The following MYO5B variants were observed in gnomAD, a reference collection of about 807,000 sequenced individuals.
MYO5B encodes unconventional myosin-Vb.
A neutral mutation model predicts 229.3 loss-of-function variants in MYO5B; 143 were observed. The ratio of observed to expected loss-of-function variants is 0.62; its 90% confidence interval spans 0.54 to 0.72. MYO5B has a LOEUF of 0.72. Ranked by LOEUF, MYO5B falls within the 30% of genes least tolerant of loss-of-function variation. MYO5B has a pLI of 0.00. For missense variants in MYO5B, 2,321 were observed against 2,331.0 expected, an observed-to-expected ratio of 1.00 and a Z score of 0.09; for synonymous variants, 918 against 885.2, an observed-to-expected ratio of 1.04 and a Z score of -0.66.
intron 1 of MYO5B, among the ~76,000 whole-genome samples, chr18:50,069,295 A>G (rs1237616665): frequency 1.3e-5 from 2 of 152,176 alleles, no homozygotes; most frequent in African/African-American, 4.8e-5. Context: ...TATTTGGGTT[A>G]ACGCTGAGCT....
At chr18:49,957,311 C>T (rs1448170079) in intron 12 of MYO5B, among the ~76,000 whole-genome samples, 1 of 152,092 alleles carries the variant, frequency 6.6e-6, no homozygotes, top group African/African-American at 2.4e-5. Flanking sequence ...CCAAAGCCTG[C>T]CCCCAGCAAA....
chr18:49,956,266 CAACTCATTT>C (rs2025491469), intron 12 of MYO5B, among the ~76,000 whole-genome samples: 2 of 152,228 alleles, frequency 1.3e-5, no homozygotes, highest in South Asian at 4.1e-4. Flanking sequence ...TTAGATGTAT[CAACTCATTT>C]AACCCTCATA....
chr18:50,105,894 G>A (rs936492510), intron 1 of MYO5B, among the ~76,000 whole-genome samples: 1 of 152,048 alleles, frequency 6.6e-6, no homozygotes, highest in African/African-American at 2.4e-5. Context: ...CAAAAACAGA[G>A]CTCTTTGTTG....
chr18:49,842,088 A>G (rs2144039234), intron 34 of MYO5B, among the ~76,000 whole-genome samples: 1 of 151,396 alleles, frequency 6.6e-6, no homozygotes. Context: ...ATGAGGTACG[A>G]CCAAAAGAAA....
At chr18:50,009,059 G>C (rs2026133644) in intron 4 of MYO5B, among the ~76,000 whole-genome samples, 3 of 152,188 alleles carry the variant, frequency 2.0e-5, no homozygotes, top group Non-Finnish European at 4.4e-5. Flanking sequence ...ATGAATCTTG[G>C]AAACAATGGT....
Position 49,864,221 on chromosome 18 carries a change from C to G in MYO5B, c.3763G>C (p.Glu1255Gln), listed in dbSNP as rs761611635. ...ATGAGCACCTCCTCCTTGCGCACCT[C>G]GAGCTCCTCGTGGGCCAGCTTGAGC... ...NQLKLAHEEL[E>Q]VRKEEVLILR... Residue 1255 changes from glutamate (E) to glutamine (Q), a missense_variant, in exon 28 of 40, where the codon GAG becomes CAG. Around this residue, in one of 2 missense-constraint regions of MYO5B, gnomAD observed 2,113 missense variants for 2,044.7 expected, o/e 1.03. Transcript: ENST00000285039. 31 of 1,613,818 alleles carry G rather than the reference C, an allele frequency of 1.9e-5. No homozygotes were observed. The highest frequency in any genetic ancestry group is 2.5e-5 in the Non-Finnish European group (30 of 1,180,054).
At chr18:50,170,486 A>G (rs2032907989) in intron 1 of MYO5B, among the ~76,000 whole-genome samples, 1 of 127,346 alleles carries the variant, frequency 7.9e-6, no homozygotes, top group South Asian at 2.7e-4. Context: ...ATCATTCTAT[A>G]TTTTATTTTC....
chr18:50,174,418 C>G (rs894117769), intron 1 of MYO5B, among the ~76,000 whole-genome samples: 1 of 152,102 alleles, frequency 6.6e-6, no homozygotes, highest in African/African-American at 2.4e-5. Context: ...GTGCTAGAAC[C>G]CTGACATCAG....
intron 4 of MYO5B, among the ~76,000 whole-genome samples, chr18:50,015,395 T>C (rs2026205563): frequency 6.6e-6 from 1 of 152,202 alleles, no homozygotes. Context: ...AATTTGCTTG[T>C]TTTGCTTAAA....
chr18:50,117,780 C>T (rs963445379), intron 1 of MYO5B, among the ~76,000 whole-genome samples: 3 of 152,114 alleles, frequency 2.0e-5, no homozygotes, highest in African/African-American at 7.2e-5. Context: ...AAAAACATCC[C>T]TCCTCTCTCA....
chr18:50,111,930 A>C (rs923135088), intron 1 of MYO5B, among the ~76,000 whole-genome samples: 12 of 152,194 alleles, frequency 7.9e-5, no homozygotes, highest in Non-Finnish European at 1.5e-5. Context: ...ACTATGTGCC[A>C]GGCAAGCTCT....
chr18:49,867,511 C>T (rs537082460), intron 27 of MYO5B, among the ~76,000 whole-genome samples: 22 of 152,206 alleles, frequency 1.4e-4, no homozygotes, highest in African/African-American at 4.1e-4. Flanking sequence ...CTGCACACCG[C>T]ATGCTTCCGA....
chr18:50,069,067 G>T (rs984867400), intron 1 of MYO5B, among the ~76,000 whole-genome samples: 3 of 152,108 alleles, frequency 2.0e-5, no homozygotes. Flanking sequence ...GGGAAACAAG[G>T]CTCCCAGGAG....
At chr18:49,949,083 G>A (rs977039894) in intron 14 of MYO5B, among the ~76,000 whole-genome samples, 3 of 152,100 alleles carry the variant, frequency 2.0e-5, no homozygotes, top group African/African-American at 7.2e-5. Flanking sequence ...GATCCCTTAT[G>A]CTGGGATAGA....
In MYO5B at chr18:49,878,953, T is replaced by C; in HGVS notation, c.3268A>G (p.Ile1090Val). The part of the protein sequence containing the change: ...RYDNLRDEMT[I>V]IKQTPGHRRN... ...AGAAGCACCCCCCTTGCCTTTATGATGGTCATTTCATCCCGAAGGTTGTCG... is the reference window on the plus strand; with the variant it reads ...AGAAGCACCCCCCTTGCCTTTATGACGGTCATTTCATCCCGAAGGTTGTCG... Residue 1090 changes from isoleucine (I) to valine (V), a missense_variant, in exon 24 of 40, where the codon ATC becomes GTC. Ile to Val is a conservative substitution (Grantham distance 29). Coordinates refer to ENST00000285039, the MANE Select transcript of MYO5B (RefSeq NM_001080467.3). The C allele has an allele frequency of 5.6e-6, 9 of 1,614,166 alleles. No individual in the cohort carries two copies. The highest frequency in any genetic ancestry group is 7.6e-6 in the Non-Finnish European group (9 of 1,180,026).
chr18:50,051,125 T>C (rs960770696), intron 2 of MYO5B, among the ~76,000 whole-genome samples: 1 of 152,376 alleles, frequency 6.6e-6, no homozygotes, highest in Middle Eastern at 3.4e-3. Flanking sequence ...GAATTGCAAC[T>C]ATCTTTATTT....
At chr18:50,028,112 T>C (rs1234954014) in intron 4 of MYO5B, among the ~76,000 whole-genome samples, 2 of 152,190 alleles carry the variant, frequency 1.3e-5, no homozygotes, top group Non-Finnish European at 1.5e-5. Flanking sequence ...CAGGGATGTA[T>C]ACTATACAAT....
At chr18:49,888,212 G>A (rs1047589593) in intron 22 of MYO5B, among the ~76,000 whole-genome samples, 2 of 152,104 alleles carry the variant, frequency 1.3e-5, no homozygotes, top group African/African-American at 4.8e-5. Flanking sequence ...ATTACTGGGT[G>A]TTCAGCAGCA....
At chr18:49,856,947 G>GC in intron 29 of MYO5B, 57 bp from the exon 30 acceptor site, 1 of 1,441,132 alleles carries the variant, frequency 6.9e-7, no homozygotes. Context: ...AGACAGGCAG[G>GC]CAGGGAGTCC....
Sources: allele counts gnomAD v4.1 joint callset (sites outside exome capture counted in the v4.1 genomes callset), GRCh38; gene constraint gnomAD v4.1.1; regional missense constraint gnomAD v4.1.1; transcripts MANE v1.5; gene names NCBI Gene and HGNC (gene_info 2026-07-23, HGNC 2026-07-21).